Variants in HTR4 observed in about 807,000 individuals in gnomAD.
The protein encoded by HTR4 is 5-hydroxytryptamine receptor 4, also known as 5-hydroxytryptamine (serotonin) receptor 4, G protein-coupled.
HTR4 carries 16 observed loss-of-function variants against 36.8 expected under a neutral mutation model. The ratio of observed to expected loss-of-function variants is 0.43; its 90% CI spans 0.29 to 0.66. The LOEUF is 0.66. HTR4 is among the 30% of genes least tolerant of loss of function. The pLI is 0.13. For synonymous variants in HTR4, 189 were observed against 185.1 expected (o/e 1.02, Z -0.17); for missense variants, 438 against 490.9 (o/e 0.89, Z 1.02).
At chr5:148,528,418 G>A (rs1324505251) in intron 4 of HTR4, among the ~76,000 whole-genome samples, 1 of 152,122 alleles carries the variant, frequency 6.6e-6, no homozygotes, top group East Asian at 1.9e-4. Flanking sequence ...CACCTTTGAG[G>A]CAGCAGCCCT....
At chr5:148,499,856 G>A (rs1756857580) in intron 6 of HTR4, among the ~76,000 whole-genome samples, 1 of 152,132 alleles carries the variant, frequency 6.6e-6, no homozygotes, top group Non-Finnish European at 1.5e-5. Flanking sequence ...TTGTTAAAAA[G>A]AGTCTAGCAT....
chr5:148,463,322 A>G (rs1163531365), intron 5 of HTR4, among the ~76,000 whole-genome samples: 1 of 148,928 alleles, frequency 6.7e-6, no homozygotes, highest in Non-Finnish European at 1.5e-5. Context: ...ACAGGCATGC[A>G]CCACCATGCC....
downstream of HTR4, chr5:148,476,694 GA>G (rs11411672): frequency 1.1e-5 from 18 of 1,579,134 alleles, no homozygotes; most frequent in African/African-American, 1.4e-4. Context: ...TGGGCACTAA[GA>G]AAAAAAAATG....
chr5:148,535,844 C>T (rs1390093201), intron 4 of HTR4, among the ~76,000 whole-genome samples: 1 of 152,120 alleles, frequency 6.6e-6, no homozygotes, highest in South Asian at 2.1e-4. Context: ...ACTCCCCCAA[C>T]CTTGCTAGAG....
chr5:148,453,488 G>T (rs1465256979), intron 5 of HTR4, among the ~76,000 whole-genome samples: 1 of 152,164 alleles, frequency 6.6e-6, no homozygotes, highest in African/African-American at 2.4e-5. Flanking sequence ...TGAGCCCTGT[G>T]AGATATAGTG....
chr5:148,546,226 A>T (rs1050647777), intron 4 of HTR4, among the ~76,000 whole-genome samples: 1 of 152,204 alleles, frequency 6.6e-6, no homozygotes, highest in Non-Finnish European at 1.5e-5. Flanking sequence ...GAACAACAAC[A>T]TCCACTAACA....
intron 2 of HTR4, among the ~76,000 whole-genome samples, chr5:148,636,032 T>A (rs561297910): frequency 6.6e-6 from 1 of 152,300 alleles, no homozygotes; most frequent in East Asian, 1.9e-4. Context: ...CATCTCTTTA[T>A]TAAATACCCA....
chr5:148,652,757 T>C (rs1754078248), intron 1 of HTR4, among the ~76,000 whole-genome samples: 1 of 152,156 alleles, frequency 6.6e-6, no homozygotes, highest in African/African-American at 2.4e-5. Flanking sequence ...ATAATTATAA[T>C]AAGGATATTT....
intron 2 of HTR4, among the ~76,000 whole-genome samples, chr5:148,622,493 G>C (rs956924979): frequency 2.0e-5 from 3 of 152,144 alleles, no homozygotes; most frequent in African/African-American, 7.2e-5. Context: ...ATCATATTGT[G>C]ATGTCATTCT....
chr5:148,582,497 C>T (rs1761177097), intron 2 of HTR4, among the ~76,000 whole-genome samples: 1 of 151,944 alleles, frequency 6.6e-6, no homozygotes, highest in Non-Finnish European at 1.5e-5. Flanking sequence ...GTGTCTATTG[C>T]CATCTTCATG....
chr5:148,506,486 C>T lies in HTR4; in HGVS notation c.1076+2970G>A, dbSNP rs116465050. The stretch of plus-strand genomic sequence containing the variant: ...GGGCAAGGACTACATGTCTAAAACA[C>T]CAAAAACAACGGCAACAGAAGCTAA... On this transcript the variant is annotated intron_variant, in intron 6 of 6. Transcript: ENST00000377888. Among the ~76,000 whole-genome samples, 1,266 of 152,252 alleles carry T rather than the reference C, an allele frequency of 8.3e-3. 14 individuals carry two copies. The highest frequency in any genetic ancestry group is 0.029 in the African/African-American group (1,218 of 41,524).
chr5:148,499,812 G>A (rs1357618858), intron 6 of HTR4, among the ~76,000 whole-genome samples: 1 of 152,146 alleles, frequency 6.6e-6, no homozygotes, highest in Non-Finnish European at 1.5e-5. Context: ...AGTAACAAGC[G>A]AATTGTCACT....
chr5:148,635,807 C>G (rs1753512434), intron 2 of HTR4, among the ~76,000 whole-genome samples: 1 of 152,086 alleles, frequency 6.6e-6, no homozygotes, highest in South Asian at 2.1e-4. Flanking sequence ...AATTAAAGAC[C>G]TGGCACCAGG....
chr5:148,477,940 T>C (rs978268966), downstream of HTR4, among the ~76,000 whole-genome samples: 2 of 152,174 alleles, frequency 1.3e-5, no homozygotes, highest in African/African-American at 4.8e-5. Flanking sequence ...TAACCTTCCC[T>C]AACTACTTCA....
chr5:148,646,805 A>G (rs1367265446), intron 1 of HTR4, among the ~76,000 whole-genome samples: 2 of 152,136 alleles, frequency 1.3e-5, no homozygotes, highest in Non-Finnish European at 2.9e-5. Flanking sequence ...AATTATTCTC[A>G]TTTCACAGAT....
At chr5:148,583,851 G>A (rs946443659) in intron 2 of HTR4, among the ~76,000 whole-genome samples, 2 of 152,162 alleles carry the variant, frequency 1.3e-5, no homozygotes, top group African/African-American at 4.8e-5. Flanking sequence ...GAGGGCTGTG[G>A]TTGAAGCTCT....
intron 2 of HTR4, among the ~76,000 whole-genome samples, chr5:148,624,513 T>C (rs904637413): frequency 3.3e-5 from 5 of 152,186 alleles, no homozygotes; most frequent in African/African-American, 7.2e-5. Flanking sequence ...GGTGGCAGCC[T>C]GAGCAAGGGA....
rs540725038 is a variant in HTR4 at position 148,531,267 on chromosome 5, G to A, written c.354-7921C>T. Reference sequence around the variant, plus strand: ...TGTCCCCACCCAAACCTCGTATTGCGGCTCCCACAGTTCCCATGTGTTGTG... The same window carrying A: ...TGTCCCCACCCAAACCTCGTATTGCAGCTCCCACAGTTCCCATGTGTTGTG... On this transcript the variant is annotated intron_variant, in intron 4 of 6. Transcript: ENST00000377888. Among the ~76,000 whole-genome samples the A allele has an allele frequency of 3.3e-5, 5 of 152,212 alleles. No individual in the cohort carries two copies. The East Asian group carries it at 5.8e-4, about 18-fold the overall frequency.
intron 2 of HTR4, among the ~76,000 whole-genome samples, chr5:148,564,571 C>T (rs897184010): frequency 1.3e-5 from 2 of 152,222 alleles, no homozygotes; most frequent in African/African-American, 4.8e-5. Context: ...GGGATTTCCC[C>T]CTTCATTCAG....
Sources: gnomAD v4.1 joint callset for allele counts (sites outside exome capture counted in the v4.1 genomes callset) on GRCh38, gnomAD v4.1.1 for gene constraint, MANE v1.5 for transcripts, NCBI Gene and HGNC (gene_info 2026-07-23, HGNC 2026-07-21) for gene names.